The following PRELID2 variants were observed in gnomAD, a reference collection of about 807,000 sequenced individuals.
PRELID2 encodes the protein PRELI domain-containing protein 2.
PRELID2 carries 25 observed loss-of-function variants against 28.4 expected under a neutral mutation model. The observed-to-expected ratio is 0.88, with a 90% confidence interval of 0.64 to 1.23. The LOEUF (loss-of-function observed/expected upper bound fraction) is 1.23, where lower values mean the gene tolerates loss of function less well. PRELID2 is among the 50% of genes most tolerant of loss of function. The pLI is 0.00. For synonymous variants in PRELID2, 76 were observed against 71.6 expected (o/e 1.06, Z -0.31); for missense variants, 201 against 214.4 (o/e 0.94, Z 0.39).
chr5:145,275,236 G>A, the PRELID2 span, among the ~76,000 whole-genome samples: 32 of 152,092 alleles, frequency 2.1e-4, no homozygotes, highest in Non-Finnish European at 3.8e-4. Context: ...GCAAGGCACT[G>A]CAGATAAAGG....
At chr5:145,643,531 C>T (rs1469733004) in intron 1 of PRELID2, among the ~76,000 whole-genome samples, 1 of 152,140 alleles carries the variant, frequency 6.6e-6, no homozygotes, top group African/African-American at 2.4e-5. Context: ...TTGCCCTGGC[C>T]AGAACTTCCA....
intron 1 of PRELID2, among the ~76,000 whole-genome samples, chr5:145,603,674 T>A (rs1029202727): frequency 9.9e-5 from 15 of 152,124 alleles, no homozygotes; most frequent in African/African-American, 2.4e-4. Flanking sequence ...TATTGACTTT[T>A]AAAAATAATA....
In PRELID2 at chr5:145,701,216, T is replaced by C. The variant is rs188308355; in HGVS notation, n.70+63715A>G. ...TAAAATGTAGGTGACAGAGTCTGAA[T>C]CCAAACCCAGGCACCTTGGCAACAG... On this transcript the variant is annotated intron_variant and non_coding_transcript_variant, in intron 1 of 2. Coordinates refer to the PRELID2 transcript ENST00000510259. Among the ~76,000 whole-genome samples, 161 of 152,312 alleles carry C rather than the reference T, an allele frequency of 1.1e-3. 1 individual carries two copies. The highest frequency in any genetic ancestry group is 3.7e-3 in the African/African-American group (154 of 41,568).
intron 1 of PRELID2, among the ~76,000 whole-genome samples, chr5:145,649,109 C>T (rs1027669126): frequency 1.3e-5 from 2 of 151,474 alleles, no homozygotes; most frequent in African/African-American, 2.4e-5. Context: ...AAAGAGAAGG[C>T]AAAAATAAAA....
the PRELID2 span, among the ~76,000 whole-genome samples, chr5:145,316,582 C>T: frequency 6.6e-6 from 1 of 152,300 alleles, no homozygotes; most frequent in South Asian, 2.1e-4. Context: ...CAGTGCTAAA[C>T]AAAAGGACTA....
At chr5:145,767,327 C>T (rs1258954931) in intron 5 of PRELID2, among the ~76,000 whole-genome samples, 1 of 152,066 alleles carries the variant, frequency 6.6e-6, no homozygotes, top group Non-Finnish European at 1.5e-5. Flanking sequence ...TCTACTCCAT[C>T]CCCTTTCCAG....
At chr5:145,698,282 A>G (rs2149700981) in intron 1 of PRELID2, among the ~76,000 whole-genome samples, 1 of 152,338 alleles carries the variant, frequency 6.6e-6, no homozygotes, top group South Asian at 2.1e-4. Context: ...TACCTGTAGT[A>G]TACATTCATC....
At chr5:145,363,235 G>A in the PRELID2 span, among the ~76,000 whole-genome samples, 5 of 151,754 alleles carry the variant, frequency 3.3e-5, no homozygotes, top group Non-Finnish European at 7.4e-5. Flanking sequence ...TATCATTGTC[G>A]ATATCCATAA....
chr5:145,358,294 C>T, the PRELID2 span, among the ~76,000 whole-genome samples: 1 of 152,096 alleles, frequency 6.6e-6, no homozygotes, highest in East Asian at 1.9e-4. Context: ...TTCACCTTGT[C>T]CTCTGGCTGT....
At chr5:145,374,944 C>A in the PRELID2 span, among the ~76,000 whole-genome samples, 4 of 152,088 alleles carry the variant, frequency 2.6e-5, no homozygotes, top group Admixed American at 2.6e-4. Flanking sequence ...TTCAGCTCAG[C>A]ATTGTTTTTT....
At chr5:145,230,451 C>T in the PRELID2 span, among the ~76,000 whole-genome samples, 3 of 151,846 alleles carry the variant, frequency 2.0e-5, no homozygotes, top group South Asian at 2.1e-4. Context: ...TGGTGGTGCA[C>T]GCCTGTAATC....
chr5:145,573,382 C>A (rs1753031455), intron 1 of PRELID2, among the ~76,000 whole-genome samples: 1 of 151,698 alleles, frequency 6.6e-6, no homozygotes, highest in South Asian at 2.1e-4. Flanking sequence ...GCAGAACGTG[C>A]AGGTTTCTTA....
intron 4 of PRELID2, among the ~76,000 whole-genome samples, chr5:145,803,491 C>T (rs1222030606): frequency 6.6e-6 from 1 of 152,052 alleles, no homozygotes; most frequent in African/African-American, 2.4e-5. Context: ...TTTACATTCA[C>T]ATCTTGTTTT....
intron 1 of PRELID2, among the ~76,000 whole-genome samples, chr5:145,531,235 C>A (rs1034718006): frequency 6.6e-6 from 1 of 152,102 alleles, no homozygotes; most frequent in Admixed American, 6.5e-5. Flanking sequence ...GGGAAGGACA[C>A]CTCTTGATTC....
At chr5:145,480,175 A>G (rs1046882764) in intron 1 of PRELID2, among the ~76,000 whole-genome samples, 1 of 152,038 alleles carries the variant, frequency 6.6e-6, no homozygotes, top group African/African-American at 2.4e-5. Flanking sequence ...TTTAATGAAA[A>G]TGAAAACTGT....
At chr5:145,600,231 T>G (rs1341755283) in intron 1 of PRELID2, among the ~76,000 whole-genome samples, 4 of 150,190 alleles carry the variant, frequency 2.7e-5, no homozygotes, top group African/African-American at 9.9e-5. Context: ...AAATGAAGTT[T>G]CTGCTTCTTT....
chr5:145,486,187 G>A (rs1752215891), intron 1 of PRELID2, among the ~76,000 whole-genome samples: 1 of 152,116 alleles, frequency 6.6e-6, no homozygotes, highest in South Asian at 2.1e-4. Flanking sequence ...CATCTTCCCA[G>A]AACCCTAAAA....
chr5:145,504,485 G>A (rs994108443), intron 1 of PRELID2, among the ~76,000 whole-genome samples: 2 of 152,120 alleles, frequency 1.3e-5, no homozygotes, highest in African/African-American at 2.4e-5. Flanking sequence ...TATCTTTCAT[G>A]TTCCAGATCA....
the PRELID2 span, among the ~76,000 whole-genome samples, chr5:145,414,759 C>T: frequency 6.6e-6 from 1 of 152,168 alleles, no homozygotes; most frequent in Non-Finnish European, 1.5e-5. Flanking sequence ...TTTCAACCAC[C>T]ATATAAGTAT....
Sources: gnomAD v4.1 joint callset for allele counts (sites outside exome capture counted in the v4.1 genomes callset) on GRCh38, gnomAD v4.1.1 for gene constraint, MANE v1.5 for transcripts, NCBI Gene and HGNC (gene_info 2026-07-23, HGNC 2026-07-21) for gene names.